The following FXN variants were observed in gnomAD, a reference collection of about 807,000 sequenced individuals.
FXN encodes frataxin, mitochondrial.
A neutral mutation model predicts 22.4 loss-of-function variants in FXN; 14 were observed. The ratio of observed to expected loss-of-function variants is 0.62; its 90% CI spans 0.41 to 0.98. The LOEUF is 0.98. Ranked by LOEUF, FXN falls within the 50% of genes least tolerant of loss-of-function variation. The pLI is 0.00. For missense variants in FXN, 267 were observed against 268.4 expected, an observed-to-expected ratio of 0.99 and a Z score of 0.04; for synonymous variants, 120 against 114.1, an observed-to-expected ratio of 1.05 and a Z score of -0.33.
chr9:69,049,265 C>CA (rs1267648489), intron 2 of FXN, among the ~76,000 whole-genome samples: 1 of 152,174 alleles, frequency 6.6e-6, no homozygotes, highest in African/African-American at 2.4e-5. Context: ...TTCTTCAAGA[C>CA]ACGTCAACCA....
intron 1 of FXN, among the ~76,000 whole-genome samples, chr9:69,045,583 A>ACTTCAT (rs755412417): frequency 2.0e-5 from 3 of 152,130 alleles, no homozygotes; most frequent in Non-Finnish European, 4.4e-5. Context: ...ACAGAGCGAG[A>ACTTCAT]CTTCATCTCA....
chr9:69,052,149 A>AT (rs34185166), intron 2 of FXN, among the ~76,000 whole-genome samples: 6,021 of 144,014 alleles, frequency 0.042, 139 homozygotes, highest in African/African-American at 0.064. Flanking sequence ...GGCCCAGCCT[A>AT]TTTTTTTTTT....
In FXN at chr9:69,078,351, C is replaced by T. The variant is rs116391013; in HGVS notation, c.*5589C>T. On this transcript the variant is annotated 3_prime_UTR_variant, in exon 5 of 5. Coordinates refer to ENST00000484259, the MANE Select transcript of FXN (RefSeq NM_000144.5). Reference sequence around the variant, plus strand: ...TCCCCTTGAAAGTTTCACCAAACATCCCTTAAATCTGCCCTCTCCTGCCCG... The same window carrying T: ...TCCCCTTGAAAGTTTCACCAAACATTCCTTAAATCTGCCCTCTCCTGCCCG... 256 of 985,494 alleles carry T rather than the reference C, an allele frequency of 2.6e-4. 1 individual carries two copies. The African/African-American group carries it at 4.2e-3, about 16-fold the overall frequency. 61.0% of individuals were successfully genotyped at this position (985,494 alleles called of 1,614,324 possible).
intron 2 of FXN, among the ~76,000 whole-genome samples, chr9:69,052,065 C>G (rs573047787): frequency 6.6e-6 from 1 of 151,626 alleles, no homozygotes; most frequent in East Asian, 1.9e-4. Flanking sequence ...CCAGGCTGGT[C>G]TTGAACTCCT....
intron 4 of FXN, among the ~76,000 whole-genome samples, chr9:69,067,336 G>A (rs1832186341): frequency 6.6e-6 from 1 of 152,274 alleles, no homozygotes; most frequent in African/African-American, 2.4e-5. Flanking sequence ...GGAGCGCCGT[G>A]TAGCTGTACC....
intron 1 of FXN, 24 bp from the exon 2 acceptor site, chr9:69,046,361 G>A (rs773784116): frequency 1.1e-5 from 17 of 1,565,686 alleles, no homozygotes; most frequent in Middle Eastern, 1.7e-4. Context: ...AAATAGTAAC[G>A]TACTTCTTAA....
At chr9:69,069,217 T>G (rs1163087165) in intron 4 of FXN, among the ~76,000 whole-genome samples, 2 of 151,990 alleles carry the variant, frequency 1.3e-5, no homozygotes, top group Non-Finnish European at 2.9e-5. Context: ...TACAAAAAAT[T>G]CGCCAGGCAT....
In FXN at chr9:69,078,659, C is replaced by T; in HGVS notation, c.*5897C>T. 1.0e-6 allele frequency: 1 copy of T among 978,864 alleles called. No individual in the cohort carries two copies. The highest frequency in any genetic ancestry group is 1.2e-6 in the Non-Finnish European group (1 of 828,678). 60.6% of individuals were successfully genotyped at this position (978,864 alleles called of 1,614,324 possible). A position where few individuals can be genotyped will look rare whatever the true frequency, so the allele number is the denominator to read the frequency against. The stretch of plus-strand genomic sequence containing the variant: ...CACTTTGACTCCAGCAATCCCAAAT[C>T]CCCAGATCCCTAAGTGTGCTGTGCT... On this transcript the variant is annotated 3_prime_UTR_variant, in exon 5 of 5. Coordinates refer to ENST00000484259, the MANE Select transcript of FXN (RefSeq NM_000144.5).
At chr9:69,064,733 A>T (rs765292167) in intron 3 of FXN, among the ~76,000 whole-genome samples, 1 of 152,200 alleles carries the variant, frequency 6.6e-6, no homozygotes, top group Non-Finnish European at 1.5e-5. Flanking sequence ...CAACATCATT[A>T]TGATTAATCC....
At chr9:69,042,911 A>G (rs1335373476) in intron 1 of FXN, among the ~76,000 whole-genome samples, 2 of 152,274 alleles carry the variant, frequency 1.3e-5, no homozygotes, top group East Asian at 1.9e-4. Context: ...CTTGGGTTCA[A>G]TCCCAGCTCT....
chr9:69,065,896 C>T (rs1048152039), intron 4 of FXN, among the ~76,000 whole-genome samples: 1 of 152,162 alleles, frequency 6.6e-6, no homozygotes, highest in African/African-American at 2.4e-5. Flanking sequence ...TATTTGAATT[C>T]CCTTTGCAGG....
At chr9:69,065,987 T>C (rs528219713) in intron 4 of FXN, among the ~76,000 whole-genome samples, 1 of 152,306 alleles carries the variant, frequency 6.6e-6, no homozygotes, top group Non-Finnish European at 1.5e-5. Flanking sequence ...GCCTTTTCCA[T>C]TGATGTGCTT....
At chr9:69,065,213 C>T (rs1290874177) in intron 4 of FXN, among the ~76,000 whole-genome samples, 178 bp downstream of exon 4, 2 of 152,096 alleles carry the variant, frequency 1.3e-5, no homozygotes, top group Non-Finnish European at 2.9e-5. Context: ...CCATCCTGGG[C>T]AACATAGTGA....
chr9:69,036,064 C>T (rs1831546147), intron 1 of FXN, 117 bp downstream of exon 1: 2 of 900,020 alleles, frequency 2.2e-6, no homozygotes, highest in South Asian at 5.2e-5. Flanking sequence ...GCTGGACTAG[C>T]TCACCCCGCT....
At chr9:69,071,375 C>T (rs1832271868) in intron 4 of FXN, 2 of 488,526 alleles carry the variant, frequency 4.1e-6, no homozygotes, top group Admixed American at 4.3e-5. Context: ...CTGGTGACCT[C>T]ATCCTAGCCT....
At chr9:69,072,441 G>T (rs892530707) in intron 4 of FXN, among the ~76,000 whole-genome samples, 171 bp from the exon 5 acceptor site, 1 of 151,868 alleles carries the variant, frequency 6.6e-6, no homozygotes, top group Admixed American at 6.6e-5. Context: ...AAGATATATC[G>T]TATAACTCTT....
intron 3 of FXN, among the ~76,000 whole-genome samples, chr9:69,053,471 A>ATGGATGGATGGATG (rs1587822034): frequency 1.1e-4 from 16 of 140,266 alleles, no homozygotes; most frequent in African/African-American, 3.9e-4. Context: ...ACTCTGTCAT[A>ATGGATGGATGGATG]GATGGATGGA....
chr9:69,063,033 A>G (rs1363763952), intron 3 of FXN, among the ~76,000 whole-genome samples: 1 of 152,128 alleles, frequency 6.6e-6, no homozygotes, highest in Non-Finnish European at 1.5e-5. Context: ...CCTCATCTCT[A>G]CAAAAGAAAA....
At position 69,075,724 on chromosome 9, in the gene FXN, CT is replaced by C. The variant is rs1406068190; in HGVS notation, c.*2970del. On this transcript the variant is annotated 3_prime_UTR_variant, in exon 5 of 5. Coordinates refer to ENST00000484259, the MANE Select transcript of FXN (RefSeq NM_000144.5). ...AATTGCATAATACAATCTTAGAAAACTTTTTTTTCCCCTTTCTATTTTTTGA... is the reference window on the plus strand; with the variant it reads ...AATTGCATAATACAATCTTAGAAAACTTTTTTTCCCCTTTCTATTTTTTGA... The C allele has an allele frequency of 3.5e-5, 34 of 983,682 alleles. No homozygotes were observed. Among genetic ancestry groups the C allele is most frequent in the Non-Finnish European group, 3.9e-5 (32 of 828,568 alleles). 60.9% of individuals were successfully genotyped at this position (983,682 alleles called of 1,614,324 possible).
Sources: allele counts gnomAD v4.1 joint callset (sites outside exome capture counted in the v4.1 genomes callset), GRCh38; gene constraint gnomAD v4.1.1; transcripts MANE v1.5; gene names NCBI Gene and HGNC (gene_info 2026-07-23, HGNC 2026-07-21).